The following COG5 variants were observed in gnomAD, a reference collection of about 807,000 sequenced individuals.
COG5 encodes the protein conserved oligomeric Golgi complex subunit 5.
A neutral mutation model predicts 110.4 loss-of-function variants in COG5; 86 were observed. The observed-to-expected ratio is 0.78, with a 90% CI of 0.65 to 0.93. The LOEUF is 0.93. Ranked by LOEUF, COG5 falls within the 40% of genes least tolerant of loss-of-function variation. The pLI is 0.00. For missense variants in COG5, 1,077 were observed against 987.0 expected (o/e 1.09, Z -1.22); for synonymous variants, 360 against 334.6 (o/e 1.08, Z -0.83).
intron 6 of COG5, among the ~76,000 whole-genome samples, chr7:107,512,286 C>A (rs1450068861): frequency 6.6e-6 from 1 of 152,164 alleles, no homozygotes; most frequent in Non-Finnish European, 1.5e-5. Context: ...TGAGTGAACT[C>A]CCATTCACAA....
chr7:107,333,938 CCT>C, intron 10 of COG5, among the ~76,000 whole-genome samples: 1 of 152,104 alleles, frequency 6.6e-6, no homozygotes, highest in Admixed American at 6.5e-5. Flanking sequence ...TTAGTTTCTC[CCT>C]AATAAGAGAA....
intron 7 of COG5, among the ~76,000 whole-genome samples, chr7:107,403,555 C>T (rs762124076): frequency 9.6e-4 from 145 of 151,300 alleles, no homozygotes; most frequent in Non-Finnish European, 2.0e-3. Flanking sequence ...CTAACCCCAA[C>T]AGGCCCCGGT....
At chr7:107,496,668 C>A (rs10238087) in intron 6 of COG5, among the ~76,000 whole-genome samples, 31,640 of 135,540 alleles carry the variant, frequency 0.23, 4,198 homozygotes, top group East Asian at 0.29. Flanking sequence ...AAAAAAAAAA[C>A]AAAAAACAAA....
At chr7:107,297,650 T>C (rs1445010948) in intron 12 of COG5, among the ~76,000 whole-genome samples, 1 of 152,042 alleles carries the variant, frequency 6.6e-6, no homozygotes, top group African/African-American at 2.4e-5. Flanking sequence ...GGTTTTACCA[T>C]GTTGATCAGG....
chr7:107,488,433 C>T (rs974582089), intron 6 of COG5, among the ~76,000 whole-genome samples: 2 of 152,070 alleles, frequency 1.3e-5, no homozygotes, highest in African/African-American at 4.8e-5. Flanking sequence ...TTGTGTTTTG[C>T]TTTCTGTTAT....
chr7:107,208,399 G>A (rs1340021232), intron 21 of COG5: 1 of 985,304 alleles, frequency 1.0e-6, no homozygotes, highest in Non-Finnish European at 1.2e-6. Context: ...CACACAGCAG[G>A]ACAACTGTTT....
intron 13 of COG5, 34 bp downstream of exon 13, chr7:107,283,537 T>C (rs1231734314): frequency 6.3e-7 from 1 of 1,577,916 alleles, no homozygotes; most frequent in East Asian, 2.2e-5. Flanking sequence ...ATGGCAGTCA[T>C]CTTATGGCAA....
chr7:107,257,208 T>A (rs1190148999), intron 15 of COG5, among the ~76,000 whole-genome samples: 1 of 152,070 alleles, frequency 6.6e-6, no homozygotes, highest in African/African-American at 2.4e-5. Flanking sequence ...AATACAAACA[T>A]CATGAAAATT....
At chr7:107,528,109 G>A (rs1031781582) in intron 5 of COG5, among the ~76,000 whole-genome samples, 1 of 119,740 alleles carries the variant, frequency 8.4e-6, no homozygotes, top group Non-Finnish European at 1.8e-5. Flanking sequence ...TTTTTTTTTT[G>A]AGAACAGGGT....
chr7:107,449,192 C>T (rs991314368), intron 6 of COG5, among the ~76,000 whole-genome samples: 8 of 151,848 alleles, frequency 5.3e-5, no homozygotes, highest in South Asian at 2.1e-4. Flanking sequence ...GGGGGCAAGG[C>T]GAGGGAGAGA....
Position 107,337,918 on chromosome 7 carries a change from C to T in COG5, c.1027-13397G>A, listed in dbSNP as rs78647150. ...ATCATAAGTACCCCATGAATATGTACAGAAATTATGTATCAATTTTTAAAA... is the reference window on the plus strand; with the variant it reads ...ATCATAAGTACCCCATGAATATGTATAGAAATTATGTATCAATTTTTAAAA... On this transcript the variant is annotated intron_variant, in intron 10 of 21. Coordinates refer to ENST00000297135, the MANE Select transcript of COG5 (RefSeq NM_006348.5). Among the ~76,000 whole-genome samples, 808 of 152,110 alleles carry T rather than the reference C, an allele frequency of 5.3e-3. 8 individuals carry two copies. Among genetic ancestry groups the T allele is most frequent in the African/African-American group, 0.019 (785 of 41,512 alleles).
intron 6 of COG5, among the ~76,000 whole-genome samples, chr7:107,518,364 C>T (rs571401966): frequency 1.3e-5 from 2 of 152,044 alleles, no homozygotes; most frequent in East Asian, 1.9e-4. Context: ...TACAGACTGG[C>T]AAATTGAATA....
intron 19 of COG5, among the ~76,000 whole-genome samples, chr7:107,219,207 G>A (rs952000411): frequency 5.9e-5 from 9 of 152,070 alleles, no homozygotes; most frequent in African/African-American, 1.9e-4. Flanking sequence ...TGAGAGTGTG[G>A]GGGAAAAGGG....
intron 2 of COG5, among the ~76,000 whole-genome samples, chr7:107,554,949 C>CA (rs1259298462): frequency 1.3e-5 from 2 of 152,046 alleles, no homozygotes; most frequent in Non-Finnish European, 2.9e-5. Flanking sequence ...GGAGTTGTGC[C>CA]AAAAAATGTA....
chr7:107,474,414 T>C lies in COG5; in HGVS notation c.538+52823A>G, dbSNP rs773995676. 1 of 1,613,232 alleles carries C rather than the reference T, an allele frequency of 6.2e-7. No individual in the cohort carries two copies. Among genetic ancestry groups the C allele is most frequent in the Non-Finnish European group, 8.5e-7 (1 of 1,179,372 alleles). On this transcript the variant is annotated intron_variant, in intron 6 of 21. Transcript: ENST00000297135. This position sits in a 1 kb window ranked among gnomAD's most constrained non-coding sequence, Gnocchi z 5.7. ...ACACTGCTCTCATTTGCTGTTTCCATGAGGCTTGTGTATCTTTTGCAAGTG... is the reference window on the plus strand; with the variant it reads ...ACACTGCTCTCATTTGCTGTTTCCACGAGGCTTGTGTATCTTTTGCAAGTG...
chr7:107,349,182 T>C (rs1402923150), intron 10 of COG5, among the ~76,000 whole-genome samples: 1 of 152,226 alleles, frequency 6.6e-6, no homozygotes, highest in Admixed American at 6.5e-5. Context: ...CTGACTTTTA[T>C]ATATTGACTT....
chr7:107,557,921 C>T (rs1803443836), intron 2 of COG5, 55 bp downstream of exon 2: 7 of 1,592,082 alleles, frequency 4.4e-6, no homozygotes, highest in South Asian at 1.1e-5. Context: ...TACAAAAATG[C>T]TAAATTATCA....
rs759259999 is a variant in COG5, at chr7:107,386,862, G to A, written c.670-14102C>T. ...CTTTAATTAAGGCAGCCCTGGCTTC[G>A]TTATACAACAGAGAGCCTAAAAAGG... On this transcript the variant is annotated intron_variant, in intron 7 of 21. Transcript: ENST00000297135. 1.8e-4 allele frequency among the ~76,000 whole-genome samples: 27 copies of A among 152,176 alleles called. No individual in the cohort carries two copies. The South Asian group carries it at 2.5e-3, about 14-fold the overall frequency.
chr7:107,204,003 C>G (rs1798558561), intron 21 of COG5, among the ~76,000 whole-genome samples: 1 of 152,184 alleles, frequency 6.6e-6, no homozygotes, highest in Non-Finnish European at 1.5e-5. Flanking sequence ...GAGGGGCATC[C>G]TGCGCCTCTG....
Sources: gnomAD v4.1 joint callset for allele counts (sites outside exome capture counted in the v4.1 genomes callset) on GRCh38, gnomAD v4.1.1 for gene constraint, Gnocchi (gnomAD v3.1) non-coding constraint, MANE v1.5 for transcripts, NCBI Gene and HGNC (gene_info 2026-07-23, HGNC 2026-07-21) for gene names.